The following CHST11 variants were observed in gnomAD, a reference collection of about 807,000 sequenced individuals.
The protein encoded by CHST11 is C4S-1.
CHST11 carries 9 observed loss-of-function variants against 30.4 expected under a neutral mutation model. The observed-to-expected ratio is 0.30, with a 90% CI of 0.18 to 0.52. The LOEUF (loss-of-function observed/expected upper bound fraction) is 0.52. Among genes scored for constraint, CHST11 ranks in the 20% least tolerant of loss-of-function variants. The probability of loss-of-function intolerance (pLI) is 0.97; values close to 1 mark genes in which losing one functional copy is unlikely to be tolerated. For missense variants in CHST11, 348 were observed against 460.6 expected (o/e 0.76, Z 2.24); for synonymous variants, 152 against 187.8 (o/e 0.81, Z 1.56).
At chr12:104,476,450 C>A (rs2037564128) in intron 1 of CHST11, among the ~76,000 whole-genome samples, 1 of 152,002 alleles carries the variant, frequency 6.6e-6, no homozygotes, top group African/African-American at 2.4e-5. Context: ...TGGGCATTTT[C>A]TCATGTCATT....
chr12:104,536,011 G>A (rs1225174415), intron 1 of CHST11, among the ~76,000 whole-genome samples: 3 of 152,172 alleles, frequency 2.0e-5, no homozygotes, highest in East Asian at 3.9e-4. Flanking sequence ...AACATACAGA[G>A]GGGATATGCA....
chr12:104,659,210 A>G (rs2039574065), intron 2 of CHST11, among the ~76,000 whole-genome samples: 1 of 152,218 alleles, frequency 6.6e-6, no homozygotes, highest in Non-Finnish European at 1.5e-5. Context: ...CAGACTCTGC[A>G]TTGACTAGCT....
At chr12:104,749,947 T>G (rs1183912462) in intron 2 of CHST11, among the ~76,000 whole-genome samples, 3 of 152,124 alleles carry the variant, frequency 2.0e-5, no homozygotes, top group African/African-American at 4.8e-5. Flanking sequence ...AGAACTTTAT[T>G]GATTGAGTGT....
chr12:104,647,199 T>G (rs1490248900), intron 2 of CHST11, among the ~76,000 whole-genome samples: 1 of 152,200 alleles, frequency 6.6e-6, no homozygotes, highest in Non-Finnish European at 1.5e-5. Context: ...ATTCTCTGGT[T>G]CTCTGGAGGA....
chr12:104,754,964 T>C (rs1048766164), intron 2 of CHST11, among the ~76,000 whole-genome samples: 3 of 152,226 alleles, frequency 2.0e-5, no homozygotes, highest in Non-Finnish European at 4.4e-5. Context: ...TCATACTGTC[T>C]GCTGTTGTCA....
chr12:104,474,788 G>A (rs957846025), intron 1 of CHST11, among the ~76,000 whole-genome samples: 2 of 152,226 alleles, frequency 1.3e-5, no homozygotes, highest in Non-Finnish European at 1.5e-5. Flanking sequence ...TCTTGTCCCA[G>A]TTCTTCTGCC....
chr12:104,714,810 G>A (rs971287320), intron 2 of CHST11, among the ~76,000 whole-genome samples: 9 of 152,136 alleles, frequency 5.9e-5, no homozygotes, highest in African/African-American at 1.9e-4. Flanking sequence ...CTTTGGGCTG[G>A]TCACTCATAC....
chr12:104,535,340 G>T (rs1203528465), intron 1 of CHST11, among the ~76,000 whole-genome samples: 1 of 152,214 alleles, frequency 6.6e-6, no homozygotes, highest in Non-Finnish European at 1.5e-5. Context: ...TTGTTTTGGG[G>T]ACCTTTCAGC....
chr12:104,711,201 CT>C (rs1197257983), intron 2 of CHST11, among the ~76,000 whole-genome samples: 1 of 152,154 alleles, frequency 6.6e-6, no homozygotes, highest in East Asian at 1.9e-4. Context: ...CCTGTGGATG[CT>C]TTTTTAAATG....
intron 2 of CHST11, among the ~76,000 whole-genome samples, chr12:104,660,225 C>A (rs1046321558): frequency 1.3e-5 from 2 of 152,166 alleles, no homozygotes; most frequent in East Asian, 3.9e-4. Flanking sequence ...TGTACAGATG[C>A]TCTGTTCTTA....
chr12:104,465,010 C>T (rs917147421), intron 1 of CHST11, among the ~76,000 whole-genome samples: 15 of 152,136 alleles, frequency 9.9e-5, no homozygotes, highest in African/African-American at 3.6e-4. Flanking sequence ...ATCTCAGCAC[C>T]GTGCTGCCCT....
intron 2 of CHST11, among the ~76,000 whole-genome samples, chr12:104,754,992 C>A (rs1256903426): frequency 6.6e-6 from 1 of 152,202 alleles, no homozygotes; most frequent in Non-Finnish European, 1.5e-5. Context: ...CATCACCATC[C>A]TTTGTCCTGG....
chr12:104,714,721 T>C (rs1265564946), intron 2 of CHST11, among the ~76,000 whole-genome samples: 2 of 152,108 alleles, frequency 1.3e-5, no homozygotes, highest in African/African-American at 2.4e-5. Flanking sequence ...TAGTGTAGGA[T>C]TTATTTTAGG....
At chr12:104,724,647 G>A (rs936623708) in intron 2 of CHST11, among the ~76,000 whole-genome samples, 1 of 152,014 alleles carries the variant, frequency 6.6e-6, no homozygotes, top group Admixed American at 6.6e-5. Flanking sequence ...GCTCACCGTG[G>A]GCTTTCTGGG....
chr12:104,707,809 CACAT>C (rs926670146), intron 2 of CHST11, among the ~76,000 whole-genome samples: 17 of 152,192 alleles, frequency 1.1e-4, no homozygotes, highest in Non-Finnish European at 1.9e-4. Flanking sequence ...GACACATAGA[CACAT>C]ACATACATGC....
chr12:104,625,597 G>A (rs936909381), intron 2 of CHST11, among the ~76,000 whole-genome samples: 5 of 152,292 alleles, frequency 3.3e-5, no homozygotes, highest in Middle Eastern at 6.8e-3. Context: ...GAGCCACCAC[G>A]CCCAGCTGGC....
At chr12:104,677,555 G>C (rs1016048203) in intron 2 of CHST11, among the ~76,000 whole-genome samples, 1 of 152,204 alleles carries the variant, frequency 6.6e-6, no homozygotes, top group East Asian at 1.9e-4. Context: ...AACTCTGTTT[G>C]ATCAGCCTTT....
chr12:104,704,187 G>C (rs1295008019), intron 2 of CHST11, among the ~76,000 whole-genome samples: 1 of 152,160 alleles, frequency 6.6e-6, no homozygotes, highest in Non-Finnish European at 1.5e-5. Flanking sequence ...CCGTCACTTC[G>C]ATATATTCTG....
At chr12:104,648,437 C>T (rs1270996856) in intron 2 of CHST11, among the ~76,000 whole-genome samples, 1 of 152,138 alleles carries the variant, frequency 6.6e-6, no homozygotes, top group South Asian at 2.1e-4. Context: ...GGATGGTCAT[C>T]GTGGTTCGGT....
Sources: gnomAD v4.1 joint callset for allele counts (sites outside exome capture counted in the v4.1 genomes callset) on GRCh38, gnomAD v4.1.1 for gene constraint, MANE v1.5 for transcripts, NCBI Gene and HGNC (gene_info 2026-07-23, HGNC 2026-07-21) for gene names.